Variants in RARB observed in about 807,000 individuals in gnomAD.
RARB encodes retinoic acid receptor beta, also known as HBV-activated protein.
In RARB, 17 loss-of-function variants were observed where a neutral mutation model predicts 51.9. That is an observed-to-expected ratio of 0.33 (90% confidence interval 0.22 to 0.49). RARB has a LOEUF of 0.49. Among genes scored for constraint, RARB ranks in the 20% least tolerant of loss-of-function variants. The pLI is 0.99. For missense variants in RARB, 369 were observed against 550.8 expected (o/e 0.67, Z 3.30); for synonymous variants, 215 against 195.4 (o/e 1.10, Z -0.84).
intron 5 of RARB, among the ~76,000 whole-genome samples, chr3:25,412,130 A>T (rs1237624570): frequency 6.6e-6 from 1 of 152,216 alleles, no homozygotes; most frequent in African/African-American, 2.4e-5. Flanking sequence ...CTTCTAATAA[A>T]ACTTGTAGTC....
intron 2 of RARB, among the ~76,000 whole-genome samples, chr3:24,913,179 T>C (rs1170175867): frequency 6.6e-6 from 1 of 151,726 alleles, no homozygotes; most frequent in East Asian, 1.9e-4. Flanking sequence ...AGAGACGGGG[T>C]TTCACTGTGT....
intron 5 of RARB, among the ~76,000 whole-genome samples, chr3:25,317,463 C>T (rs1704457173): frequency 6.6e-6 from 1 of 152,128 alleles, no homozygotes; most frequent in Admixed American, 6.6e-5. Flanking sequence ...GCAAAGACTT[C>T]ATATCCAGCA....
At chr3:25,554,384 A>G (rs1275405864) in intron 3 of RARB, among the ~76,000 whole-genome samples, 2 of 152,068 alleles carry the variant, frequency 1.3e-5, no homozygotes, top group East Asian at 1.9e-4. Context: ...TCTGCAGTCC[A>G]TAGGTTAAAC....
chr3:25,482,449 G>A (rs1019666821), intron 2 of RARB, among the ~76,000 whole-genome samples: 2 of 147,176 alleles, frequency 1.4e-5, no homozygotes, highest in East Asian at 4.0e-4. Context: ...CAGTAGACCA[G>A]CACTGTTCAA....
intron 2 of RARB, among the ~76,000 whole-genome samples, chr3:25,028,003 T>C (rs1697787719): frequency 6.6e-6 from 1 of 152,148 alleles, no homozygotes; most frequent in Non-Finnish European, 1.5e-5. Flanking sequence ...TCTGTAAATA[T>C]GCCTTCCTAA....
chr3:25,104,492 A>T (rs1699461355), intron 3 of RARB, among the ~76,000 whole-genome samples: 1 of 152,024 alleles, frequency 6.6e-6, no homozygotes, highest in Non-Finnish European at 1.5e-5. Context: ...AAAATATAAA[A>T]ATTTAGCTTG....
At chr3:25,029,196 T>C (rs1247310111) in intron 2 of RARB, among the ~76,000 whole-genome samples, 3 of 152,190 alleles carry the variant, frequency 2.0e-5, no homozygotes, top group Non-Finnish European at 4.4e-5. Flanking sequence ...TTTTCCAAAG[T>C]GGGAAACTGT....
At position 25,303,435 on chromosome 3, in the gene RARB, C is replaced by T. The variant is rs1407041464; in HGVS notation, c.178+128860C>T. On this transcript the variant is annotated intron_variant, in intron 5 of 11. Coordinates refer to the RARB transcript ENST00000383772. ...ATTTGACAACAATAGCAGAGCTGAG[C>T]TCCCATTAATTTTTTTGAGCTGGTG... is the stretch of plus-strand genomic sequence containing the variant. Among the ~76,000 whole-genome samples, 8 of 152,134 alleles carry T rather than the reference C, an allele frequency of 5.3e-5. No homozygotes were observed. In the South Asian group the frequency reaches 1.0e-3, roughly 20 times the overall value.
intron 3 of RARB, among the ~76,000 whole-genome samples, chr3:25,563,675 T>C (rs1394717032): frequency 1.3e-5 from 2 of 152,232 alleles, no homozygotes; most frequent in African/African-American, 4.8e-5. Flanking sequence ...GATTAGAAAA[T>C]GATTTTTTAA....
At chr3:25,232,703 CTTACAATTATTCAACT>C (rs1320281710) in intron 5 of RARB, among the ~76,000 whole-genome samples, 1 of 152,040 alleles carries the variant, frequency 6.6e-6, no homozygotes, top group African/African-American at 2.4e-5. Flanking sequence ...GATGATGCAA[CTTACAATTATTCAACT>C]TTACAATGGT....
intron 4 of RARB, among the ~76,000 whole-genome samples, chr3:25,150,246 A>G (rs992025298): frequency 1.6e-4 from 24 of 152,170 alleles, no homozygotes; most frequent in African/African-American, 5.8e-4. Flanking sequence ...TACGCATAGC[A>G]TGATGAAACA....
chr3:24,962,529 G>A (rs145040356), intron 2 of RARB, among the ~76,000 whole-genome samples: 1 of 152,238 alleles, frequency 6.6e-6, no homozygotes, highest in Non-Finnish European at 1.5e-5. Flanking sequence ...ACCAGTCCAT[G>A]GCCTTTAGGA....
In RARB at chr3:25,207,668, G is replaced by T. The variant is rs117948872; in HGVS notation, c.178+33093G>T. On this transcript the variant is annotated intron_variant, in intron 5 of 11. Coordinates refer to the RARB transcript ENST00000383772. ...TCTCTCCCTGCGGGAATAAAACCCTGTAAAGAGTTTTGTTTGTGCTGTTCC... is the reference window on the plus strand; with the variant it reads ...TCTCTCCCTGCGGGAATAAAACCCTTTAAAGAGTTTTGTTTGTGCTGTTCC... Among the ~76,000 whole-genome samples, 946 of 152,200 alleles carry T rather than the reference G, an allele frequency of 6.2e-3. 18 individuals carry two copies. Among genetic ancestry groups the T allele is most frequent in the East Asian group, 0.03 (154 of 5,174 alleles).
intron 5 of RARB, among the ~76,000 whole-genome samples, chr3:25,270,235 C>T (rs1703226830): frequency 6.6e-6 from 1 of 152,184 alleles, no homozygotes; most frequent in Non-Finnish European, 1.5e-5. Flanking sequence ...TAATCCAAAT[C>T]TCCATTGGTG....
At chr3:25,325,787 G>T (rs1704698771) in intron 5 of RARB, among the ~76,000 whole-genome samples, 1 of 149,468 alleles carries the variant, frequency 6.7e-6, no homozygotes, top group South Asian at 2.2e-4. Flanking sequence ...CAGTTTGGGG[G>T]TTGTTGGGGG....
intron 3 of RARB, among the ~76,000 whole-genome samples, chr3:25,512,444 C>T (rs959206755): frequency 6.6e-6 from 1 of 152,120 alleles, no homozygotes; most frequent in Non-Finnish European, 1.5e-5. Context: ...ACACAATCAA[C>T]TCCAAATGTC....
chr3:25,450,812 G>A (rs56066644), intron 1 of RARB, among the ~76,000 whole-genome samples: 30,313 of 152,012 alleles, frequency 0.2, 3,414 homozygotes, highest in East Asian at 0.38. Flanking sequence ...CCGGCCGGGT[G>A]CGGTGGCTCA....
At chr3:25,335,936 T>G (rs944204553) in intron 5 of RARB, among the ~76,000 whole-genome samples, 1 of 152,220 alleles carries the variant, frequency 6.6e-6, no homozygotes, top group Admixed American at 6.5e-5. Flanking sequence ...TAATAAATGT[T>G]CATTTATTTG....
Position 25,176,605 on chromosome 3 carries a change from A to G in RARB, c.178+2030A>G, listed in dbSNP as rs1018368626. On this transcript the variant is annotated intron_variant, in intron 5 of 11. Transcript: ENST00000383772. ...GAGACGTGGATTCACCATGTTGGCC[A>G]GAATAGTCTCGATCTCTTGACCTCA... Among the ~76,000 whole-genome samples, 7 of 151,678 alleles carry G rather than the reference A, an allele frequency of 4.6e-5. No individual in the cohort carries two copies. The East Asian group carries it at 1.2e-3, about 26-fold the overall frequency.
Sources: gnomAD v4.1 joint callset for allele counts (sites outside exome capture counted in the v4.1 genomes callset) on GRCh38, gnomAD v4.1.1 for gene constraint, MANE v1.5 for transcripts, NCBI Gene and HGNC (gene_info 2026-07-23, HGNC 2026-07-21) for gene names.